DMXL1: variants seen among roughly 807,000 people sequenced by gnomAD.
The protein encoded by DMXL1 is dmX-like protein 1.
DMXL1 carries 99 observed loss-of-function variants against 319.2 expected under a neutral mutation model. That is an observed-to-expected ratio of 0.31 (90% confidence interval 0.26 to 0.37). The LOEUF is 0.37. Ranked by LOEUF, DMXL1 falls within the 10% of genes least tolerant of loss-of-function variation. DMXL1 has a pLI of 1.00. For synonymous variants in DMXL1, 1,385 were observed against 1,235.2 expected (o/e 1.12, Z -2.54); for missense variants, 3,745 against 3,595.6 (o/e 1.04, Z -1.06).
At chr5:119,114,862 A>C (rs1302247707) in intron 6 of DMXL1, among the ~76,000 whole-genome samples, 1 of 151,962 alleles carries the variant, frequency 6.6e-6, no homozygotes. Flanking sequence ...TAGAGACGGG[A>C]TTTCACCATA....
Position 119,196,447 on chromosome 5 carries a change from G to T in DMXL1, c.7534G>T (p.Asp2512Tyr). The T allele has an allele frequency of 1.2e-6, 2 of 1,606,404 alleles. No individual in the cohort carries two copies. Among genetic ancestry groups the T allele is most frequent in the South Asian group, 2.2e-5 (2 of 90,916 alleles). Residue 2512 changes from aspartate to tyrosine, a missense_variant, in exon 31 of 44, where the codon GAT (aspartate) becomes TAT (tyrosine). By Grantham distance (160) the Asp-to-Tyr change is radical. Around this residue, in one of 4 missense-constraint regions of DMXL1, gnomAD observed 1,382 missense variants for 1,269.5 expected, o/e 1.09. Coordinates refer to ENST00000539542, the MANE Select transcript of DMXL1 (RefSeq NM_001290321.3). ...LKTFYPFAGH[D>Y]LAELPVSSPL... ...GACTTTTTATCCCTTCGCAGGTCATGATCTTGCAGGTAATAAATAGCTCAA... is the reference window on the plus strand; with the variant it reads ...GACTTTTTATCCCTTCGCAGGTCATTATCTTGCAGGTAATAAATAGCTCAA...
At chr5:119,074,793 G>A (rs1390581138) in intron 1 of DMXL1, among the ~76,000 whole-genome samples, 2 of 152,212 alleles carry the variant, frequency 1.3e-5, no homozygotes, top group South Asian at 2.1e-4. Context: ...GACTTCCCAC[G>A]CTTCATTGTG....
At chr5:119,105,371 A>G in intron 4 of DMXL1, 113 bp downstream of exon 4, 1 of 770,724 alleles carries the variant, frequency 1.3e-6, no homozygotes. Flanking sequence ...GGGGAATACC[A>G]AAGAAGTAAA....
intron 1 of DMXL1, among the ~76,000 whole-genome samples, chr5:119,093,565 G>A (rs1044271197): frequency 9.9e-5 from 15 of 152,172 alleles, no homozygotes; most frequent in Non-Finnish European, 5.9e-5. Flanking sequence ...TAGAAATTAT[G>A]AATAGTGACA....
chr5:119,174,059 C>G (rs887797800), intron 25 of DMXL1, among the ~76,000 whole-genome samples: 1 of 151,746 alleles, frequency 6.6e-6, no homozygotes, highest in South Asian at 2.1e-4. Flanking sequence ...CAGTTAGATG[C>G]GAGTTACTCA....
Position 119,105,240 on chromosome 5 carries a change from A to G in DMXL1, c.346A>G (p.Ile116Val), listed in dbSNP as rs2149815754. ...QFFLESIAHNITWDPTGSRLL... is the reference protein window; with the variant it reads ...QFFLESIAHNVTWDPTGSRLL... ...TTTTCTGGAATCAATAGCACACAAT[A>G]TAACCTGGGATCCCACAGGTAAGAA... Residue 116 changes from isoleucine to valine, a missense_variant, in exon 4 of 44, where the codon ATA becomes GTA. Ile to Val is a conservative substitution (Grantham distance 29). Coordinates refer to ENST00000539542, the MANE Select transcript of DMXL1 (RefSeq NM_001290321.3). 6.2e-7 allele frequency: 1 copy of G among 1,612,718 alleles called. No homozygotes were observed. Among genetic ancestry groups the G allele is most frequent in the South Asian group, 1.1e-5 (1 of 91,022 alleles).
intron 17 of DMXL1, 84 bp downstream of exon 17, chr5:119,147,554 C>T: frequency 1.2e-6 from 1 of 853,428 alleles, no homozygotes; most frequent in Admixed American, 2.2e-5. Flanking sequence ...GCAACTATCT[C>T]TTAAATCCAC....
At chr5:119,073,443 A>G (rs1272015119) in intron 1 of DMXL1, among the ~76,000 whole-genome samples, 1 of 152,190 alleles carries the variant, frequency 6.6e-6, no homozygotes, top group Non-Finnish European at 1.5e-5. Flanking sequence ...ATGATGGCCT[A>G]TTTATATACC....
Position 119,121,059 on chromosome 5 carries a change from A to G in DMXL1, c.1022A>G (p.His341Arg). 2 of 1,613,328 alleles carry G rather than the reference A, an allele frequency of 1.2e-6. No homozygotes were observed. The highest frequency in any genetic ancestry group is 1.7e-6 in the Non-Finnish European group (2 of 1,179,516). Reference sequence around the variant, plus strand: ...TATCTACCACATCAGCAGGATCCTCATCATGTTCACAGGAACACTCCACTG... The same window carrying G: ...TATCTACCACATCAGCAGGATCCTCGTCATGTTCACAGGAACACTCCACTG... ...TGYLPHQQDPHHVHRNTPLHA... is the reference protein window; with the variant it reads ...TGYLPHQQDPRHVHRNTPLHA... Residue 341 changes from histidine (H) to arginine (R), a missense_variant, in exon 9 of 44, where the codon CAT (histidine) becomes CGT (arginine). His to Arg is a conservative substitution (Grantham distance 29, BLOSUM62 0). This residue lies in a region of DMXL1 where 2,096 missense variants were observed against 1,985.4 expected (regional missense o/e 1.06). Transcript: ENST00000539542.
intron 1 of DMXL1, among the ~76,000 whole-genome samples, chr5:119,084,821 G>T (rs547553150): frequency 2.3e-4 from 34 of 146,534 alleles, no homozygotes; most frequent in African/African-American, 8.4e-4. Context: ...CCAAGATCAC[G>T]CCATTGCACT....
At chr5:119,242,532 C>T (rs1487963320) in intron 42 of DMXL1, among the ~76,000 whole-genome samples, 1 of 152,112 alleles carries the variant, frequency 6.6e-6, no homozygotes, top group Non-Finnish European at 1.5e-5. Flanking sequence ...CTTAAGATGT[C>T]AGTTCGTCTT....
At chr5:119,168,617 G>A (rs773986205) in intron 23 of DMXL1, among the ~76,000 whole-genome samples, 11 of 151,982 alleles carry the variant, frequency 7.2e-5, no homozygotes, top group Non-Finnish European at 1.5e-4. Flanking sequence ...ATTTGTTTAA[G>A]TCTCCTAGCC....
intron 30 of DMXL1, among the ~76,000 whole-genome samples, chr5:119,195,081 A>G (rs1434373067): frequency 6.6e-5 from 10 of 152,192 alleles, no homozygotes; most frequent in African/African-American, 2.2e-4. Flanking sequence ...AACAAAAACA[A>G]AAACAAAAAA....
At position 119,101,938 on chromosome 5, in the gene DMXL1, G is replaced by T; in HGVS notation, c.217G>T (p.Ala73Ser). The change falls in exon 3 of 44, where the codon GCA (alanine) becomes TCA (serine). Residue 73 changes from alanine (A) to serine (S), a missense_variant. Physicochemically the swap from Ala to Ser is moderately conservative, Grantham distance 99. Around this residue, in one of 4 missense-constraint regions of DMXL1, gnomAD observed 2,096 missense variants for 1,985.4 expected, o/e 1.06. Transcript: ENST00000539542. ...VDCSMQQGKI[A>S]ASYGNVISIF... ...ATTCTTTTTTTCTTTTTAAAAGATTGCAGCGTCTTATGGAAATGTTATCTC... is the reference window on the plus strand; with the variant it reads ...ATTCTTTTTTTCTTTTTAAAAGATTTCAGCGTCTTATGGAAATGTTATCTC... The T allele has an allele frequency of 1.9e-6, 3 of 1,593,412 alleles. No individual in the cohort carries two copies. The highest frequency in any genetic ancestry group is 2.6e-6 in the Non-Finnish European group (3 of 1,170,160).
At chr5:119,243,792 A>G (rs907843361) in intron 42 of DMXL1, among the ~76,000 whole-genome samples, 3 of 152,034 alleles carry the variant, frequency 2.0e-5, no homozygotes, top group Admixed American at 6.6e-5. Context: ...GTTAGTTTCA[A>G]TTGATGGATT....
chr5:119,183,879 A>G (rs540764020), intron 28 of DMXL1, among the ~76,000 whole-genome samples: 5 of 152,318 alleles, frequency 3.3e-5, no homozygotes, highest in African/African-American at 1.2e-4. Context: ...ATTTTTATAC[A>G]AGAGTAGAGA....
chr5:119,101,685 G>A (rs969547027), intron 2 of DMXL1, among the ~76,000 whole-genome samples: 1 of 152,182 alleles, frequency 6.6e-6, no homozygotes. Context: ...GGAAGGTAGT[G>A]TTGTACATAT....
intron 19 of DMXL1, among the ~76,000 whole-genome samples, chr5:119,159,053 G>T (rs1029312476): frequency 6.6e-6 from 1 of 152,008 alleles, no homozygotes; most frequent in African/African-American, 2.4e-5. Context: ...ATTGGTGTTA[G>T]TTTTTCTTTA....
At chr5:119,162,681 AG>A (rs1772525702) in intron 19 of DMXL1, among the ~76,000 whole-genome samples, 1 of 152,260 alleles carries the variant, frequency 6.6e-6, no homozygotes, top group Non-Finnish European at 1.5e-5. Flanking sequence ...TGCAAATCAT[AG>A]CAAGGAATGA....
Sources: gnomAD v4.1 joint callset for allele counts (sites outside exome capture counted in the v4.1 genomes callset) on GRCh38, gnomAD v4.1.1 for gene constraint, gnomAD v4.1.1 regional missense constraint, MANE v1.5 for transcripts, NCBI Gene and HGNC (gene_info 2026-07-23, HGNC 2026-07-21) for gene names.